Variants in LRRC71 observed in about 807,000 individuals in gnomAD.
LRRC71 encodes the protein leucine rich repeat containing 71, also known as leucine-rich repeat-containing protein 71.
In LRRC71, 54 loss-of-function variants were observed where a neutral mutation model predicts 66.6. The ratio of observed to expected loss-of-function variants is 0.81; its 90% CI spans 0.65 to 1.02. LRRC71 has a LOEUF of 1.02. Ranked by LOEUF, LRRC71 falls within the 50% of genes least tolerant of loss-of-function variation. LRRC71 has a pLI of 0.00. For synonymous variants in LRRC71, 323 were observed against 303.9 expected, an observed-to-expected ratio of 1.06 and a Z score of -0.65; for missense variants, 724 against 718.0, an observed-to-expected ratio of 1.01 and a Z score of -0.10.
downstream of LRRC71, chr1:156,936,762 T>C (rs1163779228): frequency 9.6e-6 from 15 of 1,568,422 alleles, 1 homozygote; most frequent in Middle Eastern, 1.9e-4. Flanking sequence ...TCCTCACGAG[T>C]TGGCAGACTT....
chr1:156,921,639 G>C, intron 1 of LRRC71: 1 of 985,188 alleles, frequency 1.0e-6, no homozygotes, highest in Non-Finnish European at 1.2e-6. Context: ...AGGAGCTGGA[G>C]AAACAACATC....
At position 156,930,580 on chromosome 1, in the gene LRRC71, G is replaced by C. The variant is rs766972403; in HGVS notation, c.1292G>C (p.Gly431Ala). Residue 431 changes from glycine (G) to alanine (A), a missense_variant, in exon 12 of 15, where the codon GGG becomes GCG. Transcript: ENST00000337428. Reference protein sequence around the residue: ...KPSRAKGIKIGSREKRSILLE... With the variant: ...KPSRAKGIKIASREKRSILLE... The stretch of plus-strand genomic sequence containing the variant: ...AGCAGGGCAAAAGGGATCAAGATCG[G>C]GAGCAGAGAGAAGCGCAGCATCCTC... The C allele has an allele frequency of 6.4e-7, 1 of 1,569,514 alleles. No homozygotes were observed. Among genetic ancestry groups the C allele is most frequent in the Non-Finnish European group, 8.6e-7 (1 of 1,157,078 alleles).
At chr1:156,934,053 T>C (rs528086945), downstream of LRRC71, among the ~76,000 whole-genome samples, 121 of 152,324 alleles carry the variant, frequency 7.9e-4, no homozygotes, top group Middle Eastern at 0.017. Flanking sequence ...ACCTATCATT[T>C]CTTTGAATTC....
intron 5 of LRRC71, among the ~76,000 whole-genome samples, chr1:156,926,724 G>A (rs1301755033): frequency 2.0e-5 from 3 of 152,040 alleles, no homozygotes; most frequent in Non-Finnish European, 4.4e-5. Context: ...ACAGGTGCAC[G>A]CCACCATGTC....
At chr1:156,936,336 T>C, downstream of LRRC71, 1 of 580,432 alleles carries the variant, frequency 1.7e-6, no homozygotes, top group South Asian at 1.5e-5. Context: ...AATCATTTAA[T>C]CAGCACGAGT....
chr1:156,938,522 A>ACAC, the LRRC71 span: 4 of 1,611,062 alleles, frequency 2.5e-6, no homozygotes, highest in Non-Finnish European at 3.4e-6. Context: ...AGCTGCACCG[A>ACAC]CACCACCACC....
downstream of LRRC71, chr1:156,936,782 T>C (rs777990985): frequency 2.5e-6 from 4 of 1,593,258 alleles, no homozygotes; most frequent in Admixed American, 6.9e-5. Flanking sequence ...TCTCCCCCAA[T>C]GGTAGGAACC....
At chr1:156,929,481 C>T in intron 10 of LRRC71, 52 bp downstream of exon 10, 1 of 1,610,010 alleles carries the variant, frequency 6.2e-7, no homozygotes, top group Non-Finnish European at 8.5e-7. Flanking sequence ...GGGGAGGGGG[C>T]TTCCATCATG....
the LRRC71 span, chr1:156,939,382 C>T: frequency 2.1e-6 from 2 of 940,032 alleles, no homozygotes; most frequent in Non-Finnish European, 3.2e-6. Flanking sequence ...TGTCCAACTC[C>T]AAAGCCTGCC....
In LRRC71 at chr1:156,927,826, C is replaced by T; in HGVS notation, c.906+10C>T. ...CCTGAAGCTGGCTGAGGTGGGTGTG[C>T]CGATCAGGTGGGGCAGGGGCGTGGG... On this transcript the variant is annotated intron_variant, in intron 8 of 14. Transcript: ENST00000337428. 6.2e-7 allele frequency: 1 copy of T among 1,613,276 alleles called. No homozygotes were observed. The highest frequency in any genetic ancestry group is 8.5e-7 in the Non-Finnish European group (1 of 1,179,648).
Position 156,928,054 on chromosome 1 carries a change from G to A in LRRC71, c.996+50G>A, listed in dbSNP as rs1214867223. 6.6e-6 allele frequency: 10 copies of A among 1,516,644 alleles called. No individual in the cohort carries two copies. In the East Asian group the frequency reaches 1.2e-4, roughly 19 times the overall value. 93.9% of individuals were successfully genotyped at this position (1,516,644 alleles called of 1,614,324 possible). On this transcript the variant is annotated intron_variant, in intron 9 of 14. Transcript: ENST00000337428. ...CCAGCCGAGAGCCCCTCTGACCCTC[G>A]AGCCCACTCCCCAAGTCCGCTGCTT...
At chr1:156,938,888 G>A in the LRRC71 span, 1 of 231,400 alleles carries the variant, frequency 4.3e-6, no homozygotes, top group Non-Finnish European at 8.3e-6. Context: ...CACCCTCTCA[G>A]ACCAGCCCAC....
At chr1:156,922,571 G>A (rs1212253948) in intron 1 of LRRC71, among the ~76,000 whole-genome samples, 1 of 152,176 alleles carries the variant, frequency 6.6e-6, no homozygotes, top group Non-Finnish European at 1.5e-5. Context: ...TGTGGAAGGG[G>A]AAAAGAGCTG....
chr1:156,939,765 T>A, the LRRC71 span: 33 of 1,613,880 alleles, frequency 2.0e-5, no homozygotes, highest in South Asian at 3.4e-4. Context: ...GTGCTTGCCC[T>A]GGGGAGCCTG....
intron 8 of LRRC71, 23 bp from the exon 9 acceptor site, chr1:156,927,892 C>A (rs752576003): frequency 5.3e-5 from 85 of 1,610,222 alleles, no homozygotes; most frequent in Non-Finnish European, 6.6e-5. Context: ...GGCGTCCGAC[C>A]GCTGAGCGCC....
intron 9 of LRRC71, 113 bp from the exon 10 acceptor site, chr1:156,929,167 G>A (rs1653883710): frequency 1.1e-5 from 14 of 1,259,258 alleles, no homozygotes; most frequent in Non-Finnish European, 1.5e-5. Flanking sequence ...AGGTGGGTGG[G>A]AGGGTGCTGT....
chr1:156,936,103 ACC>A (rs1655021435), downstream of LRRC71: 5 of 1,575,004 alleles, frequency 3.2e-6, no homozygotes, highest in African/African-American at 1.4e-5. Context: ...GCCTGAGGTG[ACC>A]GCTTCCACAT....
At chr1:156,933,531 AAC>A (rs1654671977), downstream of LRRC71, among the ~76,000 whole-genome samples, 1 of 152,244 alleles carries the variant, frequency 6.6e-6, no homozygotes, top group Non-Finnish European at 1.5e-5. Context: ...TAAGAAAATG[AAC>A]AAAGGCTTGG....
At chr1:156,935,569 G>A (rs1654896024), downstream of LRRC71, 1 of 166,078 alleles carries the variant, frequency 6.0e-6, no homozygotes, top group Admixed American at 6.3e-5. Context: ...AAAGAGGGGA[G>A]GGGAGGCACC....
Sources: gnomAD v4.1 joint callset for allele counts (sites outside exome capture counted in the v4.1 genomes callset) on GRCh38, gnomAD v4.1.1 for gene constraint, MANE v1.5 for transcripts, NCBI Gene and HGNC (gene_info 2026-07-23, HGNC 2026-07-21) for gene names.